KCNC4: variants seen among roughly 807,000 people sequenced by gnomAD.
KCNC4 encodes the protein voltage-gated potassium channel KCNC4.
KCNC4 carries 23 observed loss-of-function variants against 42.8 expected under a neutral mutation model. That is an observed-to-expected ratio of 0.54 (90% CI 0.39 to 0.76). The LOEUF (loss-of-function observed/expected upper bound fraction) is 0.76. Ranked by LOEUF, KCNC4 falls within the 30% of genes least tolerant of loss-of-function variation. KCNC4 has a pLI of 0.00. For synonymous variants in KCNC4, 422 were observed against 393.5 expected (o/e 1.07, Z -0.86); for missense variants, 751 against 898.2 (o/e 0.84, Z 2.10).
exon 4 of KCNC4, chr1:110,242,616 T>C (rs1659053334): frequency 6.6e-6 from 1 of 152,240 alleles, no homozygotes; most frequent in South Asian, 2.1e-4. Context: ...ATTATCATTC[T>C]TCTGGCTTTC....
At chr1:110,227,647 C>T (rs1658470739) in intron 3 of KCNC4, among the ~76,000 whole-genome samples, 1 of 152,210 alleles carries the variant, frequency 6.6e-6, no homozygotes, top group Non-Finnish European at 1.5e-5. Flanking sequence ...TTGTTCAGGC[C>T]CAAAGCCTTG....
intron 1 of KCNC4, among the ~76,000 whole-genome samples, chr1:110,212,509 T>G (rs1034337142): frequency 6.6e-6 from 1 of 152,144 alleles, no homozygotes; most frequent in African/African-American, 2.4e-5. Flanking sequence ...TGCCCTATCT[T>G]CAGCTGCCCT....
intron 1 of KCNC4, among the ~76,000 whole-genome samples, chr1:110,217,463 A>G (rs930958909): frequency 5.9e-5 from 9 of 152,198 alleles, no homozygotes; most frequent in Admixed American, 2.0e-4. Context: ...GAAAGGGGGA[A>G]TTTTCTGGTC....
At chr1:110,232,741 G>A (rs1386144949) in intron 3 of KCNC4, 170 bp from the exon 4 acceptor site, 2 of 1,529,648 alleles carry the variant, frequency 1.3e-6, no homozygotes, top group African/African-American at 2.7e-5. Context: ...TCTGCTCCTG[G>A]TCTACTCCTT....
intron 1 of KCNC4, among the ~76,000 whole-genome samples, chr1:110,281,555 A>ACACAC (rs71752517): frequency 0.052 from 7,326 of 140,374 alleles, 234 homozygotes; most frequent in Middle Eastern, 0.064. Context: ...CATATGTAAA[A>ACACAC]ACACACACAC....
intron 1 of KCNC4, among the ~76,000 whole-genome samples, chr1:110,273,921 C>T (rs1355597328): frequency 6.6e-6 from 1 of 152,238 alleles, no homozygotes; most frequent in East Asian, 1.9e-4. Flanking sequence ...CCAGAACCAA[C>T]CCAGGAACAT....
At chr1:110,281,498 G>A (rs1659822715) in intron 1 of KCNC4, among the ~76,000 whole-genome samples, 1 of 151,698 alleles carries the variant, frequency 6.6e-6, no homozygotes, top group South Asian at 2.1e-4. Context: ...GGGCGGGAAG[G>A]GGGAAGGGGA....
At chr1:110,262,621 G>A (rs1182060887) in intron 1 of KCNC4, among the ~76,000 whole-genome samples, 1 of 152,294 alleles carries the variant, frequency 6.6e-6, no homozygotes, top group South Asian at 2.1e-4. Flanking sequence ...CATAGGATAA[G>A]CTCTAATTTC....
chr1:110,232,623 C>T, intron 3 of KCNC4: 2 of 1,441,634 alleles, frequency 1.4e-6, no homozygotes, highest in South Asian at 1.5e-5. Context: ...ACAACATCAC[C>T]TGAGTCACCA....
At chr1:110,252,957 C>T (rs1298494793), downstream of KCNC4, among the ~76,000 whole-genome samples, 3 of 152,146 alleles carry the variant, frequency 2.0e-5, no homozygotes, top group South Asian at 2.1e-4. Flanking sequence ...AGCAACTCCC[C>T]AGCGTATGTT....
chr1:110,212,145 T>G lies in KCNC4; in HGVS notation c.646T>G (p.Phe216Val). 1 of 1,511,642 alleles carries G rather than the reference T, an allele frequency of 6.6e-7. No homozygotes were observed. Among genetic ancestry groups the G allele is most frequent in the Non-Finnish European group, 8.7e-7 (1 of 1,146,982 alleles). 93.6% of individuals were successfully genotyped at this position (1,511,642 alleles called of 1,614,324 possible). Residue 216 changes from phenylalanine (F) to valine (V), a missense_variant, in exon 1 of 4, where the codon TTC (phenylalanine) becomes GTC (valine). Physicochemically the swap from Phe to Val is conservative, Grantham distance 50. Around this residue, in one of 4 missense-constraint regions of KCNC4, gnomAD observed 181 missense variants for 167.3 expected, o/e 1.08. Coordinates refer to ENST00000438661, the MANE Select transcript of KCNC4 (RefSeq NM_001039574.3). ...CTGGCAGCCCCGCATGTGGGCGCTC[T>G]TCGAGGATCCCTACTCCTCCCGGGC... ...RGWQPRMWALFEDPYSSRAAR... is the reference protein window; with the variant it reads ...RGWQPRMWALVEDPYSSRAAR...
At position 110,226,054 on chromosome 1, in the gene KCNC4, C is replaced by T; in HGVS notation, c.1695C>T (p.Ser565=). 1 of 1,614,018 alleles carries T rather than the reference C, an allele frequency of 6.2e-7. No individual in the cohort carries two copies. Among genetic ancestry groups the T allele is most frequent in the Non-Finnish European group, 8.5e-7 (1 of 1,179,968 alleles). The change falls in exon 3 of 4, where the codon TCC becomes TCT. Residue 565 remains serine, a synonymous_variant. Transcript: ENST00000438661. ...GAGLTQPLAS[S]PTPEERRALR... ...GCCTCACCCAACCCCTGGCCTCCTC[C>T]CCGACCCCCGAGGAGCGCCGGGCCC...
At chr1:110,212,294 T>C (rs1358656790) in intron 1 of KCNC4, 117 bp downstream of exon 1, 1 of 1,116,422 alleles carries the variant, frequency 9.0e-7, no homozygotes, top group Non-Finnish European at 1.2e-6. Flanking sequence ...CACCGCAGAT[T>C]GTTCCCGCCT....
downstream of KCNC4, chr1:110,236,578 A>T (rs141222911): frequency 6.6e-6 from 1 of 152,246 alleles, no homozygotes; most frequent in Admixed American, 6.5e-5. Flanking sequence ...CACCCCACAC[A>T]CACATAAAGC....
At chr1:110,271,630 C>T (rs1022450250) in intron 1 of KCNC4, among the ~76,000 whole-genome samples, 1 of 152,140 alleles carries the variant, frequency 6.6e-6, no homozygotes, top group Non-Finnish European at 1.5e-5. Flanking sequence ...TGCCAGCAGA[C>T]AACTTTCTCA....
At chr1:110,244,545 C>T (rs1659102413) in exon 4 of KCNC4, 1 of 152,314 alleles carries the variant, frequency 6.6e-6, no homozygotes, top group Admixed American at 6.5e-5. Context: ...TGGTTCCTTC[C>T]CTGATCACCA....
chr1:110,261,224 C>CA (rs775108099), intron 1 of KCNC4, among the ~76,000 whole-genome samples: 3 of 152,044 alleles, frequency 2.0e-5, no homozygotes, highest in Non-Finnish European at 4.4e-5. Context: ...TTAGTAATTG[C>CA]AAAACACAAA....
In KCNC4 at chr1:110,273,939, T is replaced by C. The variant is rs868089249; in HGVS notation, n.31-8595T>C. Among the ~76,000 whole-genome samples, 28 of 152,246 alleles carry C rather than the reference T, an allele frequency of 1.8e-4. No homozygotes were observed. The East Asian group carries it at 1.9e-3, about 10-fold the overall frequency. On this transcript the variant is annotated intron_variant and non_coding_transcript_variant, in intron 1 of 2. Coordinates refer to the KCNC4 transcript ENST00000412512. ...GAACCAACCCAGGAACATAAGGAGC[T>C]TCCTTAGGACTAAAACGTTATTAAG...
intron 1 of KCNC4, among the ~76,000 whole-genome samples, chr1:110,264,047 G>A (rs1019512572): frequency 6.6e-6 from 1 of 152,112 alleles, no homozygotes; most frequent in Non-Finnish European, 1.5e-5. Context: ...AACTGAACAG[G>A]TGTCTTCTGG....
Sources: gnomAD v4.1 joint callset for allele counts (sites outside exome capture counted in the v4.1 genomes callset) on GRCh38, gnomAD v4.1.1 for gene constraint, gnomAD v4.1.1 regional missense constraint, MANE v1.5 for transcripts, NCBI Gene and HGNC (gene_info 2026-07-23, HGNC 2026-07-21) for gene names.